Variants in AGRN observed in about 807,000 individuals in gnomAD.
The protein encoded by AGRN is agrin, also known as agrin proteoglycan.
A neutral mutation model predicts 211.0 loss-of-function variants in AGRN; 106 were observed. The observed-to-expected ratio is 0.50, with a 90% CI of 0.43 to 0.59. The LOEUF is 0.59. Ranked by LOEUF, AGRN falls within the 20% of genes least tolerant of loss-of-function variation. The pLI, the probability that AGRN is intolerant of heterozygous loss-of-function variation, is 0.00. For missense variants in AGRN, 3,040 were observed against 2,982.6 expected (o/e 1.02, Z -0.45); for synonymous variants, 1,525 against 1,332.5 (o/e 1.14, Z -3.15).
chr1:1,052,415 G>T (rs1249578219), intron 33 of AGRN: 5 of 308,828 alleles, frequency 1.6e-5, no homozygotes, highest in Non-Finnish European at 3.2e-5. Context: ...GTGTATATGT[G>T]GGGGGGACAT....
Position 1,049,981 on chromosome 1 carries a change from A to G in AGRN, c.4823A>G (p.Glu1608Gly). Residue 1608 changes from glutamate (E) to glycine (G), a missense_variant, in exon 27 of 36, where the codon GAG (glutamate) becomes GGG (glycine). By Grantham distance (98) the Glu-to-Gly change is moderately conservative. Around this residue, in one of 3 missense-constraint regions of AGRN, gnomAD observed 1,537 missense variants for 1,505.0 expected, o/e 1.02. Coordinates refer to ENST00000379370, the MANE Select transcript of AGRN (RefSeq NM_198576.4). ...HGAAPCRVLP[E>G]GGAQCECPLG... ...GCGGCGCCCTGCCGTGTGCTGCCCG[A>G]GGGTGGTGCTCAGTGCGAGTGCCCC... The G allele has an allele frequency of 6.6e-7, 1 of 1,515,182 alleles. No individual in the cohort carries two copies. Among genetic ancestry groups the G allele is most frequent in the Non-Finnish European group, 8.9e-7 (1 of 1,123,088 alleles). The allele number at this position is 1,515,182 out of a possible 1,614,324, so 93.9% of individuals were successfully genotyped here. A position where few individuals can be genotyped will look rare whatever the true frequency, so the allele number is the denominator to read the frequency against.
intron 34 of AGRN, 79 bp from the exon 35 acceptor site, chr1:1,054,369 G>T: frequency 7.7e-7 from 1 of 1,305,832 alleles, no homozygotes. Flanking sequence ...CAGGGCATAG[G>T]AAGGATGCAG....
chr1:1,049,322 A>C lies in AGRN; in HGVS notation c.4385A>C (p.His1462Pro). ...GQWHRLELSR[H>P]WRRGTLSVDG... ...TGGCACCGCCTGGAGCTGTCCCGGC[A>C]CTGGCGCCGGGGCACCCTCTCGGTG... Residue 1462 changes from histidine (H) to proline (P), a missense_variant, in exon 25 of 36, where the codon CAC becomes CCC. By Grantham distance (77) the His-to-Pro change is moderately conservative. This residue lies in a region of AGRN where 1,537 missense variants were observed against 1,505.0 expected (regional missense o/e 1.02). Transcript: ENST00000379370. The C allele has an allele frequency of 6.3e-7, 1 of 1,595,814 alleles. No homozygotes were observed. Among genetic ancestry groups the C allele is most frequent in the Non-Finnish European group, 8.5e-7 (1 of 1,178,894 alleles).
chr1:1,048,245 C>G lies in AGRN; in HGVS notation c.3985C>G (p.Pro1329Ala), dbSNP rs762686593. 1.3e-6 allele frequency: 2 copies of G among 1,541,454 alleles called. No homozygotes were observed. Among genetic ancestry groups the G allele is most frequent in the Non-Finnish European group, 1.8e-6 (2 of 1,141,704 alleles). The change falls in exon 23 of 36, where the codon CCT becomes GCT. Residue 1329 changes from proline (P) to alanine (A), a missense_variant. Pro to Ala is a conservative substitution (Grantham distance 27). Coordinates refer to ENST00000379370, the MANE Select transcript of AGRN (RefSeq NM_198576.4). This position sits in a 1 kb window ranked among gnomAD's most constrained non-coding sequence, Gnocchi z 5.9. Reference protein sequence around the residue: ...PGRRPPAPQQPPKPCDSQPCF... With the variant: ...PGRRPPAPQQAPKPCDSQPCF... ...ACGTCGGCCCCCGGCCCCCCAGCAG[C>G]CTCCAAAGCCCTGTGACTCACAGCC...
At chr1:1,045,038 C>T (rs1443668855) in intron 12 of AGRN, 123 bp from the exon 13 acceptor site, 2 of 1,095,732 alleles carry the variant, frequency 1.8e-6, no homozygotes, top group South Asian at 1.3e-5. Flanking sequence ...TCCCGGGCTC[C>T]TCTGGGAGCT....
In AGRN at chr1:1,048,333, C is replaced by T. The variant is rs755205199; in HGVS notation, c.4073C>T (p.Pro1358Leu). Residue 1358 changes from proline (P) to leucine (L), a missense_variant, in exon 23 of 36, where the codon CCG becomes CTG. By Grantham distance (98) the Pro-to-Leu change is moderately conservative. Around this residue, in one of 3 missense-constraint regions of AGRN, gnomAD observed 1,537 missense variants for 1,505.0 expected, o/e 1.02. Coordinates refer to ENST00000379370, the MANE Select transcript of AGRN (RefSeq NM_198576.4). This position sits in a 1 kb window ranked among gnomAD's most constrained non-coding sequence, Gnocchi z 5.9. ...ALGGGFTCSC[P>L]AGRGGAVCEK... ...GGCGGGGGCTTCACCTGCAGCTGCCCGGCAGGCAGGGGAGGCGCCGTCTGT... is the reference window on the plus strand; with the variant it reads ...GGCGGGGGCTTCACCTGCAGCTGCCTGGCAGGCAGGGGAGGCGCCGTCTGT... 8.5e-5 allele frequency: 125 copies of T among 1,473,532 alleles called. 1 individual carries two copies. The highest frequency in any genetic ancestry group is 1.7e-4 in the Admixed American group (7 of 40,078). 91.3% of individuals were successfully genotyped at this position (1,473,532 alleles called of 1,614,324 possible).
chr1:1,022,481 G>A lies in AGRN; in HGVS notation c.463+19G>A, dbSNP rs770610989. 7.1e-5 allele frequency: 114 copies of A among 1,596,738 alleles called. No homozygotes were observed. The Admixed American group carries it at 1.6e-3, about 22-fold the overall frequency. On this transcript the variant is annotated intron_variant, in intron 2 of 35. Coordinates refer to ENST00000379370, the MANE Select transcript of AGRN (RefSeq NM_198576.4). The stretch of plus-strand genomic sequence containing the variant: ...GTGGAAGGTGCGTGGTGGGGGGCTC[G>A]TGTGGGGGCCTGTGGGGGTCAGGGC...
intron 33 of AGRN, chr1:1,052,026 G>C (rs1249727167): frequency 1.3e-6 from 2 of 1,517,486 alleles, no homozygotes; most frequent in Non-Finnish European, 1.8e-6. Context: ...TGTGAGTAGA[G>C]CTCGGCGCCC....
chr1:1,041,071 G>C (rs1284811663), intron 4 of AGRN, 102 bp from the exon 5 acceptor site: 6 of 691,786 alleles, frequency 8.7e-6, no homozygotes, highest in Non-Finnish European at 1.2e-5. Flanking sequence ...GCCCGGCGGG[G>C]AGGAGCGGGG....
In AGRN at chr1:1,044,270, C is replaced by G. The variant is rs1344311577; in HGVS notation, c.2148+13C>G. ...CCCAGGCAGCCCGGTGAGCTCTGTACCCCTGGCTCTCGGCGGGCGGCGGGG... is the reference window on the plus strand; with the variant it reads ...CCCAGGCAGCCCGGTGAGCTCTGTAGCCCTGGCTCTCGGCGGGCGGCGGGG... On this transcript the variant is annotated intron_variant, in intron 11 of 35. Coordinates refer to ENST00000379370, the MANE Select transcript of AGRN (RefSeq NM_198576.4). 6.2e-7 allele frequency: 1 copy of G among 1,612,736 alleles called. No homozygotes were observed. Among genetic ancestry groups the G allele is most frequent in the Non-Finnish European group, 8.5e-7 (1 of 1,179,834 alleles).
chr1:1,023,609 G>A (rs759035635), intron 2 of AGRN, among the ~76,000 whole-genome samples: 43 of 152,176 alleles, frequency 2.8e-4, no homozygotes, highest in Non-Finnish European at 4.3e-4. Flanking sequence ...GGGTTAGGGC[G>A]AGGAGAGGTT....
rs199554974 is a variant in AGRN at position 1,046,542 on chromosome 1, G to T, written c.3057G>T (p.Pro1019=). ...SSTAHSQTTP[P]PSSRPRTTAS... The stretch of plus-strand genomic sequence containing the variant: ...CCGCACACAGCCAGACCACCCCTCC[G>T]CCCTCATCACGACCTCGGACCACTG... Residue 1019 remains proline, a synonymous_variant, in exon 18 of 36, where the codon CCG becomes CCT. Transcript: ENST00000379370. 4.4e-6 allele frequency: 7 copies of T among 1,608,596 alleles called. No homozygotes were observed. The highest frequency in any genetic ancestry group is 5.9e-6 in the Non-Finnish European group (7 of 1,178,498).
chr1:1,037,214 C>T (rs1191423976), intron 3 of AGRN, among the ~76,000 whole-genome samples: 1 of 152,202 alleles, frequency 6.6e-6, no homozygotes, highest in Admixed American at 6.5e-5. Flanking sequence ...AGCCAGAGGC[C>T]TGGAGCCAAC....
Position 1,030,607 on chromosome 1 carries a change from G to A in AGRN, c.464-4670G>A, listed in dbSNP as rs865840908. On this transcript the variant is annotated intron_variant, in intron 2 of 35. Coordinates refer to ENST00000379370, the MANE Select transcript of AGRN (RefSeq NM_198576.4). ...GTGCATGGTGCTGTGAGATCAGCGT[G>A]TGTGTGTGTGCAGTGCATGGTGCTG... Among the ~76,000 whole-genome samples the A allele has an allele frequency of 2.1e-3, 60 of 28,510 alleles. 1 individual carries two copies. Among genetic ancestry groups the A allele is most frequent in the East Asian group, 4.8e-3 (1 of 210 alleles). The allele number at this position is 28,510 out of a possible 152,430, so 18.7% of individuals were successfully genotyped here.
chr1:1,045,116 T>G (rs1570215665), intron 12 of AGRN, 45 bp from the exon 13 acceptor site: 2 of 1,587,402 alleles, frequency 1.3e-6, no homozygotes, highest in Non-Finnish European at 1.7e-6. Flanking sequence ...CCAGGGTGGG[T>G]GTCCAGCACT....
At position 1,050,285 on chromosome 1, in the gene AGRN, C is replaced by T. The variant is rs1398658899; in HGVS notation, c.4932C>T (p.Ser1644=). The change falls in exon 28 of 36, where the codon TCC becomes TCT. Residue 1644 remains serine, a synonymous_variant. Transcript: ENST00000379370. ...GPFLADFNGF[S]HLELRGLHTF... ...TCCTGGCTGACTTCAACGGCTTCTC[C>T]CACCTGGAGCTGAGAGGCCTGCACA... 1 of 1,613,038 alleles carries T rather than the reference C, an allele frequency of 6.2e-7. No homozygotes were observed. Among genetic ancestry groups the T allele is most frequent in the East Asian group, 2.2e-5 (1 of 44,876 alleles).
At position 1,050,252 on chromosome 1, in the gene AGRN, T is replaced by C. The variant is rs1570244076; in HGVS notation, c.4899T>C (p.Ser1633=). The part of the protein sequence containing the change: ...FCQTASGQDG[S]GPFLADFNGF... ...CTACAGCCTCGGGGCAGGACGGCTC[T>C]GGGCCCTTCCTGGCTGACTTCAACG... The change falls in exon 28 of 36, where the codon TCT becomes TCC. Residue 1633 remains serine, a synonymous_variant. Transcript: ENST00000379370. The C allele has an allele frequency of 6.2e-7, 1 of 1,613,134 alleles. No individual in the cohort carries two copies. The highest frequency in any genetic ancestry group is 1.3e-5 in the African/African-American group (1 of 74,982).
Position 1,046,895 on chromosome 1 carries a change from C to A in AGRN, c.3326C>A (p.Ala1109Glu), listed in dbSNP as rs755792250. ...PVERASCYNS[A>E]LGCCSDGKTP... ...GAGAGGGCTTCCTGCTACAACTCCG[C>A]GTTGGGCTGCTGCTCTGATGGGAAG... Residue 1109 changes from alanine (A) to glutamate (E), a missense_variant, in exon 19 of 36, where the codon GCG becomes GAG. By Grantham distance (107) the Ala-to-Glu change is moderately radical. Coordinates refer to ENST00000379370, the MANE Select transcript of AGRN (RefSeq NM_198576.4). 1.9e-6 allele frequency: 3 copies of A among 1,583,552 alleles called. No individual in the cohort carries two copies. Among genetic ancestry groups the A allele is most frequent in the African/African-American group, 1.3e-5 (1 of 74,838 alleles).
At chr1:1,047,129 C>T in intron 19 of AGRN, 172 bp downstream of exon 19, 1 of 1,370,928 alleles carries the variant, frequency 7.3e-7, no homozygotes, top group Non-Finnish European at 9.8e-7. Flanking sequence ...TCGTTGCAAG[C>T]CGGTGTGGCA....
Sources: gnomAD v4.1 joint callset for allele counts (sites outside exome capture counted in the v4.1 genomes callset) on GRCh38, gnomAD v4.1.1 for gene constraint, gnomAD v4.1.1 regional missense constraint, Gnocchi (gnomAD v3.1) non-coding constraint, MANE v1.5 for transcripts, NCBI Gene and HGNC (gene_info 2026-07-23, HGNC 2026-07-21) for gene names.